Variants in PPP6R3 observed in about 807,000 individuals in gnomAD.
The protein encoded by PPP6R3 is protein phosphatase 6 regulatory subunit 3, also known as serine/threonine-protein phosphatase 6 regulatory subunit 3.
In PPP6R3, 38 loss-of-function variants were observed where a neutral mutation model predicts 110.7. The ratio of observed to expected loss-of-function variants is 0.34; its 90% CI spans 0.26 to 0.45. The LOEUF (loss-of-function observed/expected upper bound fraction) is 0.45, where lower values mean the gene tolerates loss of function less well. Among genes scored for constraint, PPP6R3 ranks in the 20% least tolerant of loss-of-function variants. PPP6R3 has a pLI of 1.00. For synonymous variants in PPP6R3, 369 were observed against 373.5 expected (o/e 0.99, Z 0.14); for missense variants, 870 against 1,062.4 (o/e 0.82, Z 2.52).
At chr11:68,545,789 G>C (rs1212877952) in intron 4 of PPP6R3, among the ~76,000 whole-genome samples, 3 of 152,230 alleles carry the variant, frequency 2.0e-5, no homozygotes, top group Non-Finnish European at 4.4e-5. Context: ...CGCTTTAGTG[G>C]ATATTGTTGT....
At position 68,614,667 on chromosome 11, in the gene PPP6R3, G is replaced by A; in HGVS notation, c.*1550G>A. ...ATTCCAGCACTCCCAGGACAGTGGA[G>A]TCAGCAGTAAGCCCTGGGACAGGTG... is the stretch of plus-strand genomic sequence containing the variant. On this transcript the variant is annotated 3_prime_UTR_variant, in exon 24 of 24. Coordinates refer to ENST00000393800, the MANE Select transcript of PPP6R3 (RefSeq NM_001164161.2). 1 of 1,520,348 alleles carries A rather than the reference G, an allele frequency of 6.6e-7. No homozygotes were observed. The highest frequency in any genetic ancestry group is 8.8e-7 in the Non-Finnish European group (1 of 1,139,076). 94.2% of individuals were successfully genotyped at this position (1,520,348 alleles called of 1,614,324 possible).
At chr11:68,573,188 T>C (rs1276095453) in intron 12 of PPP6R3, among the ~76,000 whole-genome samples, 1 of 139,772 alleles carries the variant, frequency 7.2e-6, no homozygotes, top group African/African-American at 2.7e-5. Flanking sequence ...TCTTATTTTG[T>C]CACCCAGGTT....
chr11:68,500,784 T>C (rs1041885145), intron 1 of PPP6R3, among the ~76,000 whole-genome samples: 2 of 152,220 alleles, frequency 1.3e-5, no homozygotes, highest in Non-Finnish European at 2.9e-5. Flanking sequence ...CCTAAAACTT[T>C]TATCTGAAAA....
At chr11:68,484,090 G>A (rs979521439) in intron 1 of PPP6R3, among the ~76,000 whole-genome samples, 5 of 152,164 alleles carry the variant, frequency 3.3e-5, no homozygotes, top group Non-Finnish European at 5.9e-5. Flanking sequence ...CCATTGTCTG[G>A]ATGTGCCCAA....
At chr11:68,487,544 T>G (rs2098955772) in intron 1 of PPP6R3, among the ~76,000 whole-genome samples, 1 of 151,632 alleles carries the variant, frequency 6.6e-6, no homozygotes, top group African/African-American at 2.4e-5. Context: ...CACTCCAGCC[T>G]GGGCAACACA....
chr11:68,505,531 T>C (rs966854998), intron 1 of PPP6R3, among the ~76,000 whole-genome samples: 2 of 152,226 alleles, frequency 1.3e-5, no homozygotes, highest in African/African-American at 2.4e-5. Flanking sequence ...GTGTGCTTAG[T>C]TTTAACGTGA....
intron 2 of PPP6R3, among the ~76,000 whole-genome samples, chr11:68,520,344 T>C (rs1002372780): frequency 1.3e-5 from 2 of 152,216 alleles, no homozygotes; most frequent in Non-Finnish European, 2.9e-5. Flanking sequence ...CTTTTTATCC[T>C]GATGAGCAGT....
At chr11:68,560,214 A>G (rs975680299) in intron 8 of PPP6R3, among the ~76,000 whole-genome samples, 4 of 152,264 alleles carry the variant, frequency 2.6e-5, no homozygotes, top group Non-Finnish European at 4.4e-5. Flanking sequence ...AATTCAGAGC[A>G]GAAGTCAGTG....
intron 1 of PPP6R3, among the ~76,000 whole-genome samples, chr11:68,480,265 T>C (rs1343234642): frequency 6.6e-6 from 1 of 152,240 alleles, no homozygotes; most frequent in Non-Finnish European, 1.5e-5. Context: ...TATTTCCTCT[T>C]GTGTTTGCTG....
intron 15 of PPP6R3, among the ~76,000 whole-genome samples, chr11:68,585,740 A>G (rs1242118646): frequency 2.0e-5 from 3 of 152,092 alleles, no homozygotes; most frequent in Non-Finnish European, 4.4e-5. Flanking sequence ...TCTGTGCATT[A>G]TTGCATGGAA....
At chr11:68,590,768 G>T (rs1339112365) in intron 17 of PPP6R3, 54 bp downstream of exon 17, 5 of 1,482,392 alleles carry the variant, frequency 3.4e-6, no homozygotes, top group Non-Finnish European at 3.6e-6. Flanking sequence ...TAAAAATTGG[G>T]TGAGTCCCTG....
chr11:68,611,108 G>A (rs892974399), intron 23 of PPP6R3, among the ~76,000 whole-genome samples: 8 of 152,190 alleles, frequency 5.3e-5, no homozygotes, highest in African/African-American at 1.9e-4. Flanking sequence ...GAGGCAGGGT[G>A]GCCCTCTAGC....
intron 1 of PPP6R3, among the ~76,000 whole-genome samples, chr11:68,491,618 G>C (rs905056720): frequency 6.6e-6 from 1 of 151,846 alleles, no homozygotes; most frequent in Non-Finnish European, 1.5e-5. Context: ...CTAAAGTGTC[G>C]GGATTATAGG....
At chr11:68,554,711 G>T (rs561612027) in intron 7 of PPP6R3, among the ~76,000 whole-genome samples, 4 of 152,284 alleles carry the variant, frequency 2.6e-5, no homozygotes, top group Admixed American at 1.3e-4. Context: ...TGGGGATGGG[G>T]TGCTGTTTTT....
rs1328806474 is a variant in PPP6R3, at chr11:68,493,631, AT to A, written c.-157-25869del. Among the ~76,000 whole-genome samples, 382 of 146,412 alleles carry A rather than the reference AT, an allele frequency of 2.6e-3. 4 individuals are homozygous for A. The highest frequency in any genetic ancestry group is 8.2e-3 in the African/African-American group (331 of 40,138). Reference sequence around the variant, plus strand: ...AAAACAAAACCATATATATATATATATATATAAAATATATATACAAAAAAAT... The same window carrying A: ...AAAACAAAACCATATATATATATATAATATAAAATATATATACAAAAAAAT... On this transcript the variant is annotated intron_variant, in intron 1 of 23. Transcript: ENST00000393800.
At chr11:68,471,322 A>C (rs990028096) in intron 1 of PPP6R3, among the ~76,000 whole-genome samples, 3 of 151,546 alleles carry the variant, frequency 2.0e-5, no homozygotes, top group Non-Finnish European at 4.4e-5. Flanking sequence ...AGGAGTCTTC[A>C]ATATTTAGGT....
chr11:68,563,618 C>G lies in PPP6R3; in HGVS notation c.846-685C>G, dbSNP rs111691533. Among the ~76,000 whole-genome samples the G allele has an allele frequency of 4.6e-5, 7 of 152,340 alleles. 2 individuals are homozygous for G. Among genetic ancestry groups the G allele is most frequent in the African/African-American group, 1.7e-4 (7 of 41,578 alleles). On this transcript the variant is annotated intron_variant, in intron 8 of 23. Coordinates refer to ENST00000393800, the MANE Select transcript of PPP6R3 (RefSeq NM_001164161.2). ...AGCTAAACCAGACAGACAGAATAGA[C>G]AGTACTCAGTGCAGTATGCAGGGCA...
chr11:68,594,019 A>G (rs1159294921), intron 18 of PPP6R3, among the ~76,000 whole-genome samples: 2 of 152,168 alleles, frequency 1.3e-5, no homozygotes, highest in Non-Finnish European at 2.9e-5. Context: ...TGCCTATGGG[A>G]AATGATTTAA....
intron 1 of PPP6R3, among the ~76,000 whole-genome samples, chr11:68,494,683 C>G (rs2099005614): frequency 6.6e-6 from 1 of 151,956 alleles, no homozygotes; most frequent in Admixed American, 6.6e-5. Flanking sequence ...CTTTGGTTCC[C>G]ACTAGGTATT....
Sources: allele counts gnomAD v4.1 joint callset (sites outside exome capture counted in the v4.1 genomes callset), GRCh38; gene constraint gnomAD v4.1.1; transcripts MANE v1.5; gene names NCBI Gene and HGNC (gene_info 2026-07-23, HGNC 2026-07-21).